The following SELP variants were observed in gnomAD, a reference collection of about 807,000 sequenced individuals.
The protein encoded by SELP is P-selectin.
A neutral mutation model predicts 104.1 loss-of-function variants in SELP; 92 were observed. That is an observed-to-expected ratio of 0.88 (90% CI 0.75 to 1.05). SELP has a LOEUF of 1.05. SELP is among the 50% of genes least tolerant of loss of function. The probability of loss-of-function intolerance (pLI) is 0.00; values close to 1 mark genes in which losing one functional copy is unlikely to be tolerated. For synonymous variants in SELP, 397 were observed against 364.5 expected (o/e 1.09, Z -1.01); for missense variants, 1,022 against 1,017.3 (o/e 1.00, Z -0.06).
intron 4 of SELP, 112 bp from the exon 5 acceptor site, chr1:169,613,226 C>T: frequency 9.7e-7 from 1 of 1,033,078 alleles, no homozygotes. Flanking sequence ...ATTTTCTAAA[C>T]TTTTAACCCA....
At position 169,603,142 on chromosome 1, in the gene SELP, G is replaced by T. The variant is rs1312281265; in HGVS notation, c.1589C>A (p.Ser530Tyr). Residue 530 changes from serine (S) to tyrosine (Y), a missense_variant, in exon 10 of 17, where the codon TCC becomes TAC. Coordinates refer to ENST00000263686, the MANE Select transcript of SELP (RefSeq NM_003005.4). ...TMTCVQPLGS[S>Y]SYKSTCQFIC... ...GAATTGACATGTGGATTTATAACTG[G>T]AACTTCCAAGAGGTTGAACACAGGT... The T allele has an allele frequency of 4.5e-5, 73 of 1,613,962 alleles. No homozygotes were observed. Among genetic ancestry groups the T allele is most frequent in the Non-Finnish European group, 5.8e-5 (69 of 1,179,998 alleles).
chr1:169,598,253 G>A (rs1430211334), intron 10 of SELP, among the ~76,000 whole-genome samples: 1 of 151,986 alleles, frequency 6.6e-6, no homozygotes, highest in East Asian at 1.9e-4. Context: ...AATAAATGTT[G>A]GGTTATAGAC....
intron 8 of SELP, 86 bp from the exon 9 acceptor site, chr1:169,607,220 G>T: frequency 1.8e-6 from 2 of 1,122,820 alleles, no homozygotes; most frequent in Non-Finnish European, 2.4e-6. Flanking sequence ...CTAGTGTCAA[G>T]AACAGGGATT....
rs78330501 is a variant in SELP at position 169,607,938 on chromosome 1, G to A, written c.1334-804C>T. Among the ~76,000 whole-genome samples the A allele has an allele frequency of 1.6e-3, 242 of 152,260 alleles. 5 individuals are homozygous for A. The East Asian group carries it at 0.03, about 19-fold the overall frequency. ...TGAGACCACATCTCTGGATACTTAA[G>A]AGAATATCCAACTATCTTTTCTTGA... On this transcript the variant is annotated intron_variant, in intron 8 of 16. Coordinates refer to ENST00000263686, the MANE Select transcript of SELP (RefSeq NM_003005.4).
At chr1:169,623,163 G>A (rs3917863) in intron 1 of SELP, among the ~76,000 whole-genome samples, 1,158 of 74,174 alleles carry the variant, frequency 0.016, 8 homozygotes, top group Non-Finnish European at 0.02. Context: ...GGACCTGAGT[G>A]CTTGCCTTTG....
intron 15 of SELP, among the ~76,000 whole-genome samples, chr1:169,590,528 G>A (rs1335825212): frequency 2.0e-5 from 3 of 152,086 alleles, no homozygotes; most frequent in African/African-American, 7.2e-5. Flanking sequence ...ATAATCTAAC[G>A]ATAGTTTTCA....
chr1:169,618,403 A>G (rs1226573390), intron 2 of SELP, among the ~76,000 whole-genome samples: 5 of 152,182 alleles, frequency 3.3e-5, no homozygotes. Context: ...TTTGATACCA[A>G]ATGAACTAAA....
intron 1 of SELP, among the ~76,000 whole-genome samples, chr1:169,626,600 G>C (rs1185405899): frequency 6.6e-6 from 1 of 152,234 alleles, no homozygotes; most frequent in African/African-American, 2.4e-5. Flanking sequence ...AAGGTAGTTT[G>C]AGACCATATC....
chr1:169,626,872 A>G (rs536018211), intron 1 of SELP, among the ~76,000 whole-genome samples: 1 of 152,186 alleles, frequency 6.6e-6, no homozygotes, highest in African/African-American at 2.4e-5. Context: ...TTTTTTGTAG[A>G]GATAAGTTCT....
At chr1:169,591,825 A>G (rs1661370760) in intron 14 of SELP, among the ~76,000 whole-genome samples, 1 of 152,110 alleles carries the variant, frequency 6.6e-6, no homozygotes. Flanking sequence ...CTGGTAGCAT[A>G]TTTTTATCCA....
Position 169,596,058 on chromosome 1 carries a change from C to T in SELP, c.1968G>A (p.Arg656=). 1 of 1,613,872 alleles carries T rather than the reference C, an allele frequency of 6.2e-7. No individual in the cohort carries two copies. Among genetic ancestry groups the T allele is most frequent in the Non-Finnish European group, 8.5e-7 (1 of 1,179,848 alleles). The change falls in exon 12 of 17, where the codon AGG becomes AGA. Residue 656 remains arginine, a synonymous_variant. Coordinates refer to ENST00000263686, the MANE Select transcript of SELP (RefSeq NM_003005.4). The part of the protein sequence containing the change: ...TTPGQGTMYC[R]HHPGTFGFNT... ...TAAAACCAAAGGTTCCCGGATGATG[C>T]CTACAGTACATGGTTCCCTGCCCAG...
At chr1:169,609,934 C>T (rs1329338717) in intron 7 of SELP, among the ~76,000 whole-genome samples, 1 of 151,948 alleles carries the variant, frequency 6.6e-6, no homozygotes, top group Admixed American at 6.6e-5. Context: ...CCTCCCTTCC[C>T]ACCTTAACTA....
At chr1:169,624,537 G>A (rs1663281797) in intron 1 of SELP, among the ~76,000 whole-genome samples, 1 of 152,150 alleles carries the variant, frequency 6.6e-6, no homozygotes, top group Admixed American at 6.5e-5. Flanking sequence ...ATCACTTGAG[G>A]TCAGGAGTTC....
At chr1:169,627,456 T>C (rs1034786620) in intron 1 of SELP, among the ~76,000 whole-genome samples, 1 of 152,210 alleles carries the variant, frequency 6.6e-6, no homozygotes, top group Non-Finnish European at 1.5e-5. Flanking sequence ...CACTTAAAAT[T>C]TTTTAAAAAG....
chr1:169,611,621 G>A lies in SELP; in HGVS notation c.1018C>T (p.Pro340Ser), dbSNP rs1403404343. 1 of 1,614,110 alleles carries A rather than the reference G, an allele frequency of 6.2e-7. No homozygotes were observed. Among genetic ancestry groups the A allele is most frequent in the South Asian group, 1.1e-5 (1 of 91,082 alleles). ...PSEGTMDCVH[P>S]LTAFAYGSSC... ...GAGCCATAGGCAAAAGCAGTGAGCG[G>A]ATGAACACAGTCCATGGTTCCTTCA... The change falls in exon 7 of 17, where the codon CCG (proline) becomes TCG (serine). Residue 340 changes from proline to serine, a missense_variant. Physicochemically the swap from Pro to Ser is moderately conservative, Grantham distance 74. Transcript: ENST00000263686.
chr1:169,604,835 C>A (rs531447419), intron 9 of SELP, among the ~76,000 whole-genome samples: 1 of 151,966 alleles, frequency 6.6e-6, no homozygotes, highest in Non-Finnish European at 1.5e-5. Context: ...CTTCTGACAG[C>A]AGGGGTAGAT....
Position 169,593,680 on chromosome 1 carries a change from C to T in SELP, c.2332G>A (p.Ala778Thr), listed in dbSNP as rs1661455768. 1 of 1,613,490 alleles carries T rather than the reference C, an allele frequency of 6.2e-7. No homozygotes were observed. The highest frequency in any genetic ancestry group is 1.3e-5 in the African/African-American group (1 of 74,902). ...IQEALTYFGG[A>T]VASTIGLIMG... ...ATCAGACCTATCGTAGAAGCCACCG[C>T]TCCACCAAAGTAAGTCAGGGCTTCC... The change falls in exon 14 of 17, where the codon GCG (alanine) becomes ACG (threonine). Residue 778 changes from alanine (A) to threonine (T), a missense_variant. Physicochemically the swap from Ala to Thr is moderately conservative, Grantham distance 58. Transcript: ENST00000263686.
intron 1 of SELP, among the ~76,000 whole-genome samples, chr1:169,625,143 A>G (rs1557976435): frequency 1.3e-5 from 2 of 152,142 alleles, no homozygotes. Context: ...TGTCCCTGCA[A>G]ACTTCATTGC....
intron 3 of SELP, among the ~76,000 whole-genome samples, chr1:169,616,396 A>G (rs1662811895): frequency 6.6e-6 from 1 of 152,216 alleles, no homozygotes; most frequent in Non-Finnish European, 1.5e-5. Context: ...ACCATCAACT[A>G]GCTTAGAACC....
Sources: gnomAD v4.1 joint callset for allele counts (sites outside exome capture counted in the v4.1 genomes callset) on GRCh38, gnomAD v4.1.1 for gene constraint, MANE v1.5 for transcripts, NCBI Gene and HGNC (gene_info 2026-07-23, HGNC 2026-07-21) for gene names.